Variants in C1QL3 observed in about 807,000 individuals in gnomAD.
C1QL3 encodes complement C1q like 3.
In C1QL3, 4 loss-of-function variants were observed where a neutral mutation model predicts 16.6. The ratio of observed to expected loss-of-function variants is 0.24; its 90% CI spans 0.12 to 0.55. C1QL3 has a LOEUF of 0.55. Ranked by LOEUF, C1QL3 falls within the 20% of genes least tolerant of loss-of-function variation. The pLI is 0.94. For missense variants in C1QL3, 269 were observed against 365.6 expected (o/e 0.74, Z 2.16); for synonymous variants, 189 against 160.2 (o/e 1.18, Z -1.36).
chr10:16,521,248 G>A lies in C1QL3; in HGVS notation c.-183C>T. 1.7e-6 allele frequency: 1 copy of A among 575,960 alleles called. No individual in the cohort carries two copies. Among genetic ancestry groups the A allele is most frequent in the Middle Eastern group, 4.7e-4 (1 of 2,144 alleles). The allele number at this position is 575,960 out of a possible 1,614,324, so 35.7% of individuals were successfully genotyped here. On this transcript the variant is annotated 5_prime_UTR_variant, in exon 1 of 2. Transcript: ENST00000298943. ...CCTGGGCGTGCGTGCGCCGGCCGCTGCTGCCGACTCCTGCTCCCCCCGCGG... is the reference window on the plus strand; with the variant it reads ...CCTGGGCGTGCGTGCGCCGGCCGCTACTGCCGACTCCTGCTCCCCCCGCGG...
chr10:16,520,498 C>G lies in C1QL3; in HGVS notation c.568G>C (p.Asp190His). ...RGGDGTSMWA[D>H]LCKNNQVRAS... is the part of the protein sequence containing the mutation. ...CTCACCTGGTTGTTTTTGCAGAGAT[C>G]AGCCCACATGCTGGTGCCGTCCCCT... The change falls in exon 1 of 2, where the codon GAT (aspartate) becomes CAT (histidine). Residue 190 changes from aspartate to histidine, a missense_variant. By Grantham distance (81) the Asp-to-His change is moderately conservative (BLOSUM62 -1). Around this residue, in one of 2 missense-constraint regions of C1QL3, gnomAD observed 246 missense variants for 297.2 expected, o/e 0.83. Coordinates refer to ENST00000298943, the MANE Select transcript of C1QL3 (RefSeq NM_001010908.2). The surrounding 1 kb of genome is among the most constrained non-coding windows in gnomAD (Gnocchi z 8.3). 2 of 1,449,546 alleles carry G rather than the reference C, an allele frequency of 1.4e-6. No individual in the cohort carries two copies. Among genetic ancestry groups the G allele is most frequent in the Non-Finnish European group, 1.9e-6 (2 of 1,076,308 alleles). 89.8% of individuals were successfully genotyped at this position (1,449,546 alleles called of 1,614,324 possible).
chr10:16,517,409 G>T (rs987915982), intron 1 of C1QL3, among the ~76,000 whole-genome samples: 5 of 152,106 alleles, frequency 3.3e-5, no homozygotes, highest in Admixed American at 2.6e-4. Context: ...GTACCAACTG[G>T]TCTTTAATTA....
Position 16,514,459 on chromosome 10 carries a change from TG to T in C1QL3, c.*68del. The T allele has an allele frequency of 7.2e-7, 1 of 1,391,322 alleles. No individual in the cohort carries two copies. Among genetic ancestry groups the T allele is most frequent in the South Asian group, 1.3e-5 (1 of 76,530 alleles). 86.2% of individuals were successfully genotyped at this position (1,391,322 alleles called of 1,614,324 possible). Reference sequence around the variant, plus strand: ...TGCCATTGGCATCCCCTGGGATCCTTGATTCACTGACGTTAGCCATACGAAT... The same window carrying T: ...TGCCATTGGCATCCCCTGGGATCCTTATTCACTGACGTTAGCCATACGAAT... On this transcript the variant is annotated 3_prime_UTR_variant, in exon 2 of 2. Transcript: ENST00000298943.
Position 16,520,760 on chromosome 10 carries a change from C to T in C1QL3, c.306G>A (p.Pro102=), listed in dbSNP as rs766154179. 3.7e-6 allele frequency: 5 copies of T among 1,354,518 alleles called. No individual in the cohort carries two copies. The highest frequency in any genetic ancestry group is 2.9e-6 in the Non-Finnish European group (3 of 1,052,308). 83.9% of individuals were successfully genotyped at this position (1,354,518 alleles called of 1,614,324 possible). A position where few individuals can be genotyped will look rare whatever the true frequency, so the allele number is the denominator to read the frequency against. The part of the protein sequence containing the change: ...EKGEPGRQGL[P]GPPGAPGLNA... The stretch of plus-strand genomic sequence containing the variant: ...TCAGGCCGGGCGCCCCGGGCGGGCC[C>T]GGCAGGCCTTGGCGGCCCGGCTCGC... The change falls in exon 1 of 2, where the codon CCG becomes CCA. Residue 102 remains proline, a synonymous_variant. Coordinates refer to ENST00000298943, the MANE Select transcript of C1QL3 (RefSeq NM_001010908.2). The surrounding 1 kb of genome is among the most constrained non-coding windows in gnomAD (Gnocchi z 8.3).
intron 1 of C1QL3, among the ~76,000 whole-genome samples, chr10:16,519,465 A>G (rs1588641887): frequency 6.6e-6 from 1 of 152,078 alleles, no homozygotes; most frequent in South Asian, 2.1e-4. Flanking sequence ...TTCAGCGTGC[A>G]CAGAAGGTCC....
rs1350756967 is a variant in C1QL3 at position 16,520,780 on chromosome 10, G to GCTCGCCCTT, written c.277_285dup (p.Lys93_Glu95dup). On this transcript the variant is annotated inframe_insertion, in exon 1 of 2. Transcript: ENST00000298943. This position sits in a 1 kb window ranked among gnomAD's most constrained non-coding sequence, Gnocchi z 8.3. ...GGGCCCGGCAGGCCTTGGCGGCCCG[G>GCTCGCCCTT]CTCGCCCTTCTCGCCCGGGGGCCCC... 5 of 1,303,042 alleles carry GCTCGCCCTT rather than the reference G, an allele frequency of 3.8e-6. No individual in the cohort carries two copies. Among genetic ancestry groups the GCTCGCCCTT allele is most frequent in the Non-Finnish European group, 3.9e-6 (4 of 1,024,852 alleles). The allele number at this position is 1,303,042 out of a possible 1,614,324, so 80.7% of individuals were successfully genotyped here. A position where few individuals can be genotyped will look rare whatever the true frequency, so the allele number is the denominator to read the frequency against.
rs2133536468 is a variant in C1QL3 at position 16,515,091 on chromosome 10, A to G, written c.589-384T>C. ...GCATTTTAATTTAAGCCAGATAGCAATATTCTAATCAGCTGTTTATGAGTA... is the reference window on the plus strand; with the variant it reads ...GCATTTTAATTTAAGCCAGATAGCAGTATTCTAATCAGCTGTTTATGAGTA... On this transcript the variant is annotated intron_variant, in intron 1 of 1. Transcript: ENST00000298943. Among the ~76,000 whole-genome samples the G allele has an allele frequency of 1.3e-5, 2 of 152,254 alleles. 1 individual carries two copies. The highest frequency in any genetic ancestry group is 4.1e-4 in the South Asian group (2 of 4,826).
At chr10:16,515,361 C>CT in intron 1 of C1QL3, among the ~76,000 whole-genome samples, 1 of 152,028 alleles carries the variant, frequency 6.6e-6, no homozygotes, top group East Asian at 1.9e-4. Flanking sequence ...TTTCAGAGTT[C>CT]TTTTTTCCAT....
chr10:16,514,231 G>A lies in C1QL3; in HGVS notation c.*297C>T. On this transcript the variant is annotated 3_prime_UTR_variant, in exon 2 of 2. Transcript: ENST00000298943. ...ATATATATAGAAGAAATAATTCAATGTCTTAGATTTGTCTATAAAAATTTG... is the reference window on the plus strand; with the variant it reads ...ATATATATAGAAGAAATAATTCAATATCTTAGATTTGTCTATAAAAATTTG... The A allele has an allele frequency of 2.3e-6, 1 of 440,866 alleles. No individual in the cohort carries two copies. Among genetic ancestry groups the A allele is most frequent in the Non-Finnish European group, 4.0e-6 (1 of 252,284 alleles). The allele number at this position is 440,866 out of a possible 1,614,324, so 27.3% of individuals were successfully genotyped here.
Position 16,520,820 on chromosome 10 carries a change from C to A in C1QL3, c.246G>T (p.Gly82=). The A allele has an allele frequency of 7.3e-7, 1 of 1,361,776 alleles. No homozygotes were observed. Among genetic ancestry groups the A allele is most frequent in the Non-Finnish European group, 9.4e-7 (1 of 1,059,792 alleles). 84.4% of individuals were successfully genotyped at this position (1,361,776 alleles called of 1,614,324 possible). A position where few individuals can be genotyped will look rare whatever the true frequency, so the allele number is the denominator to read the frequency against. The change falls in exon 1 of 2, where the codon GGG becomes GGT. Residue 82 remains glycine (G), a synonymous_variant. Transcript: ENST00000298943. This position sits in a 1 kb window ranked among gnomAD's most constrained non-coding sequence, Gnocchi z 8.3. ...AGPRGPPGEP[G]PPGPMGPPGE... is the part of the protein sequence containing the mutation. ...CCGGGGGCCCCATGGGGCCGGGTGG[C>A]CCGGGCTCTCCGGGGGGCCCGCGCG...
chr10:16,514,742 T>C (rs2133535985), intron 1 of C1QL3, 35 bp from the exon 2 acceptor site: 1 of 1,534,462 alleles, frequency 6.5e-7, no homozygotes, highest in Non-Finnish European at 8.9e-7. Flanking sequence ...GATGCGTAAA[T>C]GAGAATTCTC....
chr10:16,518,327 G>A (rs1433548710), intron 1 of C1QL3, among the ~76,000 whole-genome samples: 2 of 152,234 alleles, frequency 1.3e-5, no homozygotes, highest in East Asian at 1.9e-4. Flanking sequence ...AAAAAAAAAT[G>A]TTTACCACTA....
At position 16,521,497 on chromosome 10, in the gene C1QL3, C is replaced by T. The variant is rs1480325869; in HGVS notation, c.-432G>A. The T allele has an allele frequency of 2.5e-5, 4 of 158,970 alleles. No homozygotes were observed. Among genetic ancestry groups the T allele is most frequent in the African/African-American group, 7.2e-5 (3 of 41,708 alleles). The allele number at this position is 158,970 out of a possible 1,614,324, so 9.8% of individuals were successfully genotyped here. On this transcript the variant is annotated 5_prime_UTR_variant, in exon 1 of 2. Coordinates refer to ENST00000298943, the MANE Select transcript of C1QL3 (RefSeq NM_001010908.2). ...CACACTTTTATGCCGCCGCCGCCTG[C>T]GATCGACTTTTCCGTTTTTGCAGAC...
chr10:16,520,453 C>A lies in C1QL3; in HGVS notation c.588+25G>T. 7 of 1,350,568 alleles carry A rather than the reference C, an allele frequency of 5.2e-6. No homozygotes were observed. Among genetic ancestry groups the A allele is most frequent in the Non-Finnish European group, 7.2e-6 (7 of 976,858 alleles). 83.7% of individuals were successfully genotyped at this position (1,350,568 alleles called of 1,614,324 possible). On this transcript the variant is annotated intron_variant, in intron 1 of 1. Coordinates refer to ENST00000298943, the MANE Select transcript of C1QL3 (RefSeq NM_001010908.2). This position sits in a 1 kb window ranked among gnomAD's most constrained non-coding sequence, Gnocchi z 8.3. ...CACCTTCCCGCGCTCCCTCCCCGCC[C>A]TCCCCGCCGCCCGCCCGCGCTCACC... is the stretch of plus-strand genomic sequence containing the variant.
At position 16,520,836 on chromosome 10, in the gene C1QL3, G is replaced by C. The variant is rs2133543166; in HGVS notation, c.230C>G (p.Pro77Arg). ...GCCGGGTGGCCCGGGCTCTCCGGGGGGCCCGCGCGGACCCGCCTTCCCGGG... is the reference window on the plus strand; with the variant it reads ...GCCGGGTGGCCCGGGCTCTCCGGGGCGCCCGCGCGGACCCGCCTTCCCGGG... ...GRPGKAGPRGPPGEPGPPGPM... is the reference protein window; with the variant it reads ...GRPGKAGPRGRPGEPGPPGPM... The change falls in exon 1 of 2, where the codon CCC (proline) becomes CGC (arginine). Residue 77 changes from proline (P) to arginine (R), a missense_variant. By Grantham distance (103) the Pro-to-Arg change is moderately radical (BLOSUM62 -2). Around this residue, in one of 2 missense-constraint regions of C1QL3, gnomAD observed 246 missense variants for 297.2 expected, o/e 0.83. Coordinates refer to ENST00000298943, the MANE Select transcript of C1QL3 (RefSeq NM_001010908.2). This position sits in a 1 kb window ranked among gnomAD's most constrained non-coding sequence, Gnocchi z 8.3. 7.2e-7 allele frequency: 1 copy of C among 1,395,180 alleles called. No individual in the cohort carries two copies. Among genetic ancestry groups the C allele is most frequent in the East Asian group, 3.1e-5 (1 of 32,484 alleles). The allele number at this position is 1,395,180 out of a possible 1,614,324, so 86.4% of individuals were successfully genotyped here. A position where few individuals can be genotyped will look rare whatever the true frequency, so the allele number is the denominator to read the frequency against.
chr10:16,520,339 C>G lies in C1QL3; in HGVS notation c.588+139G>C. 1 of 654,466 alleles carries G rather than the reference C, an allele frequency of 1.5e-6. No homozygotes were observed. Among genetic ancestry groups the G allele is most frequent in the South Asian group, 2.0e-5 (1 of 50,552 alleles). The allele number at this position is 654,466 out of a possible 1,614,324, so 40.5% of individuals were successfully genotyped here. ...CCTCTCCAGGGTGGGACGGCGTCCC[C>G]CCTTGCCGTCGCTCCAGGGAGCCCG... On this transcript the variant is annotated intron_variant, in intron 1 of 1. Coordinates refer to ENST00000298943, the MANE Select transcript of C1QL3 (RefSeq NM_001010908.2). The surrounding 1 kb of genome is among the most constrained non-coding windows in gnomAD (Gnocchi z 8.3).
Position 16,520,423 on chromosome 10 carries a change from GCCCGCACCTT to G in C1QL3, c.588+45_588+54del. 1 of 1,327,656 alleles carries G rather than the reference GCCCGCACCTT, an allele frequency of 7.5e-7. No homozygotes were observed. The highest frequency in any genetic ancestry group is 1.5e-5 in the South Asian group (1 of 68,684). The allele number at this position is 1,327,656 out of a possible 1,614,324, so 82.2% of individuals were successfully genotyped here. ...CCATTTCCGGGGTCTCCTCCCTCTC[GCCCGCACCTT>G]CCCGCGCTCCCTCCCCGCCCTCCCC... is the stretch of plus-strand genomic sequence containing the variant. On this transcript the variant is annotated intron_variant, in intron 1 of 1. Transcript: ENST00000298943. This position sits in a 1 kb window ranked among gnomAD's most constrained non-coding sequence, Gnocchi z 8.3.
intron 1 of C1QL3, among the ~76,000 whole-genome samples, chr10:16,515,201 C>T (rs1282862430): frequency 6.7e-6 from 1 of 150,284 alleles, no homozygotes; most frequent in Non-Finnish European, 1.5e-5. Flanking sequence ...CAGGAAAATA[C>T]CAACTCCTCT....
At chr10:16,514,823 C>G (rs1836923377) in intron 1 of C1QL3, 116 bp from the exon 2 acceptor site, 1 of 731,110 alleles carries the variant, frequency 1.4e-6, no homozygotes. Flanking sequence ...TTTAGCATAG[C>G]AAAGTCCATG....
Sources: gnomAD v4.1 joint callset for allele counts (sites outside exome capture counted in the v4.1 genomes callset) on GRCh38, gnomAD v4.1.1 for gene constraint, gnomAD v4.1.1 regional missense constraint, Gnocchi (gnomAD v3.1) non-coding constraint, MANE v1.5 for transcripts, NCBI Gene and HGNC (gene_info 2026-07-23, HGNC 2026-07-21) for gene names.